Variants in CHD9 observed in about 807,000 individuals in gnomAD.
CHD9 encodes the protein chromodomain helicase DNA binding protein 9, also known as ATP-dependent chromatin remodeler CHD9.
Under a neutral mutation model 316.1 loss-of-function variants are expected in CHD9, and 77 were observed. The observed-to-expected ratio is 0.24, with a 90% CI of 0.20 to 0.29. CHD9 has a LOEUF of 0.29. Among genes scored for constraint, CHD9 ranks in the 10% least tolerant of loss-of-function variants. The probability of loss-of-function intolerance (pLI) is 1.00; values close to 1 mark genes in which losing one functional copy is unlikely to be tolerated. For missense variants in CHD9, 2,763 were observed against 3,438.1 expected (o/e 0.80, Z 4.91); for synonymous variants, 1,129 against 1,158.3 (o/e 0.97, Z 0.51).
intron 2 of CHD9, among the ~76,000 whole-genome samples, chr16:53,176,982 G>A (rs2043137583): frequency 6.6e-6 from 1 of 152,102 alleles, no homozygotes; most frequent in African/African-American, 2.4e-5. Context: ...TTGAGACAGA[G>A]TCTCACTTTG....
At chr16:53,074,188 T>C (rs1403151205) in intron 1 of CHD9, among the ~76,000 whole-genome samples, 1 of 152,180 alleles carries the variant, frequency 6.6e-6, no homozygotes, top group Non-Finnish European at 1.5e-5. Context: ...CCCTAGAGAT[T>C]TGTGGAACTT....
chr16:53,232,783 A>G (rs2048290319), intron 10 of CHD9, among the ~76,000 whole-genome samples: 1 of 146,386 alleles, frequency 6.8e-6, no homozygotes, highest in South Asian at 2.2e-4. Context: ...GCTATCACTT[A>G]AAAAATGTTT....
intron 26 of CHD9, 21 bp downstream of exon 26, chr16:53,286,364 T>C (rs1463016888): frequency 3.1e-6 from 4 of 1,289,920 alleles, no homozygotes; most frequent in African/African-American, 1.5e-5. Context: ...TTCAGAGTCA[T>C]GAATTTTCTA....
At chr16:53,161,747 T>G (rs1334114439) in intron 2 of CHD9, among the ~76,000 whole-genome samples, 2 of 152,160 alleles carry the variant, frequency 1.3e-5, no homozygotes, top group Non-Finnish European at 2.9e-5. Flanking sequence ...TTCTAAGCCT[T>G]GCTTTTTTCT....
intron 2 of CHD9, among the ~76,000 whole-genome samples, chr16:53,199,490 C>A (rs2045245182): frequency 6.6e-6 from 1 of 152,008 alleles, no homozygotes; most frequent in South Asian, 2.1e-4. Context: ...TTTATTTTTA[C>A]AGATTTAGAT....
chr16:53,065,054 T>A (rs1288158385), intron 1 of CHD9, among the ~76,000 whole-genome samples: 1 of 151,532 alleles, frequency 6.6e-6, no homozygotes, highest in Non-Finnish European at 1.5e-5. Flanking sequence ...TGCAAAGCAG[T>A]CTGAAACCTC....
chr16:53,130,512 G>C (rs1273429270), intron 1 of CHD9, among the ~76,000 whole-genome samples: 4 of 149,238 alleles, frequency 2.7e-5, no homozygotes, highest in African/African-American at 9.8e-5. Flanking sequence ...AGAGGCCGCC[G>C]TGAGGGCGCG....
chr16:53,307,979 G>A, intron 33 of CHD9, 26 bp downstream of exon 33: 2 of 1,555,106 alleles, frequency 1.3e-6, no homozygotes, highest in Non-Finnish European at 1.7e-6. Flanking sequence ...TTGCCCTAGG[G>A]CCTGATTGCG....
chr16:53,304,142 A>C lies in CHD9; in HGVS notation c.6136A>C (p.Lys2046Gln), dbSNP rs1180002434. 1.9e-6 allele frequency: 3 copies of C among 1,612,982 alleles called. No homozygotes were observed. The highest frequency in any genetic ancestry group is 2.2e-5 in the South Asian group (2 of 90,960). ...TAAAGGTATTATTCTAGAGGAGATG[A>C]AAGTTAAAAGTGAAAACCTTAAAGA... ...DAKGIILEEM[K>Q]VKSENLKEEP... The change falls in exon 31 of 39, where the codon AAA becomes CAA. Residue 2046 changes from lysine (K) to glutamine (Q), a missense_variant. Lys to Gln is a moderately conservative substitution (Grantham distance 53). This residue lies in a region of CHD9 where 663 missense variants were observed against 751.2 expected (regional missense o/e 0.88). Transcript: ENST00000447540.
chr16:53,177,945 C>T (rs1326666567), intron 2 of CHD9, among the ~76,000 whole-genome samples: 1 of 152,194 alleles, frequency 6.6e-6, no homozygotes, highest in Non-Finnish European at 1.5e-5. Flanking sequence ...ATGAACTTCT[C>T]AGGCTATGTA....
intron 1 of CHD9, among the ~76,000 whole-genome samples, chr16:53,082,087 T>C (rs1188035780): frequency 6.6e-6 from 1 of 152,214 alleles, no homozygotes; most frequent in Non-Finnish European, 1.5e-5. Context: ...TCAGGCTCTG[T>C]GCTTTAACCT....
intron 11 of CHD9, among the ~76,000 whole-genome samples, chr16:53,236,152 G>T (rs999335068): frequency 2.6e-5 from 4 of 152,082 alleles, no homozygotes; most frequent in Non-Finnish European, 5.9e-5. Flanking sequence ...TCTAGGAAAA[G>T]TAGTTGACAA....
At chr16:53,087,241 T>C (rs1376727845) in intron 1 of CHD9, among the ~76,000 whole-genome samples, 1 of 152,130 alleles carries the variant, frequency 6.6e-6, no homozygotes, top group Admixed American at 6.6e-5. Flanking sequence ...ATAAGCTCTA[T>C]AGGAATTGGC....
chr16:53,156,936 C>A lies in CHD9; in HGVS notation c.847C>A (p.Pro283Thr), dbSNP rs1418570714. 1.9e-6 allele frequency: 3 copies of A among 1,613,392 alleles called. No individual in the cohort carries two copies. The African/African-American group carries it at 4.0e-5, about 22-fold the overall frequency. Residue 283 changes from proline to threonine, a missense_variant, in exon 2 of 39, where the codon CCA (proline) becomes ACA (threonine). By Grantham distance (38) the Pro-to-Thr change is conservative. This residue lies in a region of CHD9 where 859 missense variants were observed against 890.4 expected (regional missense o/e 0.96). Transcript: ENST00000447540. ...HYSFSSNHISPNSLLQSSAVL... is the reference protein window; with the variant it reads ...HYSFSSNHISTNSLLQSSAVL... ...TTCCTTTTCCAGTAATCATATATCA[C>A]CAAACAGTCTACTTCAGTCCTCTGC...
At chr16:53,301,767 C>CTTT (rs199846098) in intron 30 of CHD9, among the ~76,000 whole-genome samples, 2 of 126,224 alleles carry the variant, frequency 1.6e-5, no homozygotes, top group African/African-American at 3.0e-5. Context: ...TCTTTTTTTT[C>CTTT]TTTTTTTTTT....
Position 53,157,307 on chromosome 16 carries a change from C to T in CHD9, c.1218C>T (p.Pro406=), listed in dbSNP as rs769193225. The change falls in exon 2 of 39, where the codon CCC becomes CCT. Residue 406 remains proline, a synonymous_variant. Coordinates refer to ENST00000447540, the MANE Select transcript of CHD9 (RefSeq NM_001308319.2). ...SQTEPFTGLD[P]EDLLQEGLLP... is the part of the protein sequence containing the mutation. Reference sequence around the variant, plus strand: ...CTGAGCCATTCACAGGACTTGACCCCGAGGACCTCCTTCAGGAGGGTCTTC... The same window carrying T: ...CTGAGCCATTCACAGGACTTGACCCTGAGGACCTCCTTCAGGAGGGTCTTC... 8 of 1,612,350 alleles carry T rather than the reference C, an allele frequency of 5.0e-6. No homozygotes were observed. The highest frequency in any genetic ancestry group is 2.7e-5 in the African/African-American group (2 of 74,896).
chr16:53,150,122 AAC>A (rs1200318535), intron 1 of CHD9, among the ~76,000 whole-genome samples: 1 of 152,090 alleles, frequency 6.6e-6, no homozygotes, highest in African/African-American at 2.4e-5. Flanking sequence ...TGATAAAGAA[AAC>A]ATACTTCTGT....
chr16:53,163,367 C>T (rs544206594), intron 2 of CHD9, among the ~76,000 whole-genome samples: 4 of 152,218 alleles, frequency 2.6e-5, no homozygotes, highest in South Asian at 2.1e-4. Context: ...TGCGCCACCA[C>T]GCCCGGCTAA....
chr16:53,139,766 C>G (rs1383693836), intron 1 of CHD9, among the ~76,000 whole-genome samples: 1 of 152,140 alleles, frequency 6.6e-6, no homozygotes, highest in East Asian at 1.9e-4. Flanking sequence ...GACAATCAAC[C>G]TGTCTCAGTC....
Sources: allele counts gnomAD v4.1 joint callset (sites outside exome capture counted in the v4.1 genomes callset), GRCh38; gene constraint gnomAD v4.1.1; regional missense constraint gnomAD v4.1.1; transcripts MANE v1.5; gene names NCBI Gene and HGNC (gene_info 2026-07-23, HGNC 2026-07-21).